The following RCAN2 variants were observed in gnomAD, a reference collection of about 807,000 sequenced individuals.
The protein encoded by RCAN2 is regulator of calcineurin 2.
Under a neutral mutation model 23.6 loss-of-function variants are expected in RCAN2, and 9 were observed. The observed-to-expected ratio is 0.38, with a 90% CI of 0.23 to 0.67. The LOEUF is 0.67. RCAN2 is among the 30% of genes least tolerant of loss of function. The pLI, the probability that RCAN2 is intolerant of heterozygous loss-of-function variation, is 0.51. For synonymous variants in RCAN2, 109 were observed against 115.7 expected (o/e 0.94, Z 0.37); for missense variants, 273 against 302.3 (o/e 0.90, Z 0.72).
At chr6:46,242,462 T>C (rs926536325) in intron 4 of RCAN2, among the ~76,000 whole-genome samples, 1 of 152,216 alleles carries the variant, frequency 6.6e-6, no homozygotes, top group African/African-American at 2.4e-5. Context: ...GTTCTTTCTT[T>C]AGACTGACTT....
intron 2 of RCAN2, among the ~76,000 whole-genome samples, chr6:46,439,143 A>G (rs1332150296): frequency 1.3e-5 from 2 of 152,194 alleles, no homozygotes; most frequent in Non-Finnish European, 2.9e-5. Context: ...TACAGAGCCC[A>G]TTTCTTTGTT....
intron 2 of RCAN2, among the ~76,000 whole-genome samples, chr6:46,365,381 TGAGA>T (rs1357101299): frequency 1.3e-5 from 2 of 151,408 alleles, no homozygotes; most frequent in African/African-American, 4.9e-5. Flanking sequence ...GAGGCTGAGG[TGAGA>T]GAATCGCTTG....
intron 2 of RCAN2, among the ~76,000 whole-genome samples, chr6:46,397,529 G>T (rs570024846): frequency 6.6e-6 from 1 of 152,142 alleles, no homozygotes; most frequent in East Asian, 1.9e-4. Flanking sequence ...CTACCTTTGG[G>T]GGAAGCTGGT....
intron 2 of RCAN2, among the ~76,000 whole-genome samples, chr6:46,360,426 C>T (rs1764971065): frequency 6.6e-6 from 1 of 150,694 alleles, no homozygotes; most frequent in South Asian, 2.1e-4. Flanking sequence ...CCCAGCTCCT[C>T]CGGAGGCTGA....
At chr6:46,424,018 G>C (rs747421338) in intron 2 of RCAN2, among the ~76,000 whole-genome samples, 7 of 152,138 alleles carry the variant, frequency 4.6e-5, no homozygotes, top group Non-Finnish European at 1.0e-4. Flanking sequence ...TCTCGAACCT[G>C]CGAGCTAACC....
intron 1 of RCAN2, among the ~76,000 whole-genome samples, chr6:46,464,294 CA>C (rs1254570849): frequency 2.0e-5 from 3 of 151,916 alleles, no homozygotes; most frequent in African/African-American, 4.8e-5. Flanking sequence ...GCTCTAAAAC[CA>C]AATGATTATT....
At chr6:46,406,462 T>G (rs1004527218) in intron 2 of RCAN2, among the ~76,000 whole-genome samples, 3 of 152,242 alleles carry the variant, frequency 2.0e-5, no homozygotes, top group Non-Finnish European at 4.4e-5. Flanking sequence ...TTTCTTAGGG[T>G]TCAAATGTGT....
intron 2 of RCAN2, among the ~76,000 whole-genome samples, chr6:46,319,350 T>C (rs1218554992): frequency 1.3e-5 from 2 of 152,242 alleles, no homozygotes; most frequent in African/African-American, 4.8e-5. Flanking sequence ...AATGGCACTC[T>C]CTGAATTTTA....
At chr6:46,402,753 G>A (rs1766288458) in intron 2 of RCAN2, among the ~76,000 whole-genome samples, 1 of 152,102 alleles carries the variant, frequency 6.6e-6, no homozygotes. Flanking sequence ...CTACACAGCT[G>A]GCCATACTTT....
chr6:46,378,494 A>T (rs1765538880), intron 2 of RCAN2, among the ~76,000 whole-genome samples: 1 of 152,342 alleles, frequency 6.6e-6, no homozygotes, highest in East Asian at 1.9e-4. Context: ...GATTTACCAG[A>T]GTATTAATAG....
intron 2 of RCAN2, among the ~76,000 whole-genome samples, chr6:46,307,308 C>G (rs1435350719): frequency 2.0e-5 from 3 of 152,060 alleles, no homozygotes; most frequent in African/African-American, 7.2e-5. Context: ...AAGACAAACA[C>G]GTCATTAAGG....
At chr6:46,293,555 T>G (rs4714919) in intron 2 of RCAN2, among the ~76,000 whole-genome samples, 1 of 152,172 alleles carries the variant, frequency 6.6e-6, no homozygotes, top group African/African-American at 2.4e-5. Context: ...GAAATTCAAA[T>G]TGGGATAAAC....
At chr6:46,321,807 C>G (rs942889834) in intron 2 of RCAN2, among the ~76,000 whole-genome samples, 1 of 152,178 alleles carries the variant, frequency 6.6e-6, no homozygotes, top group Admixed American at 6.5e-5. Flanking sequence ...GTTGGGTGAG[C>G]GTCAACATTT....
intron 2 of RCAN2, among the ~76,000 whole-genome samples, chr6:46,430,973 G>A (rs1445174611): frequency 6.6e-6 from 1 of 152,204 alleles, no homozygotes; most frequent in East Asian, 1.9e-4. Flanking sequence ...CTCTGGCAGA[G>A]AAGAATATGG....
chr6:46,308,894 G>A (rs749582295), intron 2 of RCAN2, among the ~76,000 whole-genome samples: 1 of 152,120 alleles, frequency 6.6e-6, no homozygotes, highest in Non-Finnish European at 1.5e-5. Flanking sequence ...GGAGTTCAAG[G>A]AGAGGCTTAA....
At chr6:46,248,930 GC>G in intron 2 of RCAN2, 34 bp from the exon 3 acceptor site, 1 of 1,511,354 alleles carries the variant, frequency 6.6e-7, no homozygotes, top group Non-Finnish European at 9.0e-7. Flanking sequence ...AAATCCATTG[GC>G]CATGGCATGG....
At chr6:46,358,496 G>A (rs1406805587) in intron 2 of RCAN2, among the ~76,000 whole-genome samples, 3 of 152,126 alleles carry the variant, frequency 2.0e-5, no homozygotes, top group Non-Finnish European at 2.9e-5. Flanking sequence ...AGGAGGAGGG[G>A]GAACATCAGC....
intron 2 of RCAN2, among the ~76,000 whole-genome samples, chr6:46,403,331 G>C (rs1766312982): frequency 6.6e-6 from 1 of 152,030 alleles, no homozygotes; most frequent in Non-Finnish European, 1.5e-5. Flanking sequence ...CCAGCACTTT[G>C]AGAGGCAGAG....
At position 46,478,341 on chromosome 6, in the gene RCAN2, TAAC is replaced by T. The variant is rs1290895396; in HGVS notation, c.-3+12829_-3+12831del. Among the ~76,000 whole-genome samples the T allele has an allele frequency of 5.3e-5, 8 of 152,238 alleles. No homozygotes were observed. The East Asian group carries it at 1.2e-3, about 22-fold the overall frequency. ...AATAATAACAATGATAGTGATATAA[TAAC>T]AACAACAAACACCTATAACACATTT... On this transcript the variant is annotated intron_variant, in intron 1 of 4. Coordinates refer to ENST00000371374, the MANE Select transcript of RCAN2 (RefSeq NM_001251974.2).
Sources: allele counts gnomAD v4.1 joint callset (sites outside exome capture counted in the v4.1 genomes callset), GRCh38; gene constraint gnomAD v4.1.1; transcripts MANE v1.5; gene names NCBI Gene and HGNC (gene_info 2026-07-23, HGNC 2026-07-21).